The following PDE1C variants were observed in gnomAD, a reference collection of about 807,000 sequenced individuals.
PDE1C encodes phosphodiesterase 1C, also known as dual specificity calcium/calmodulin-dependent 3',5'-cyclic nucleotide phosphodiesterase 1C.
PDE1C carries 62 observed loss-of-function variants against 93.1 expected under a neutral mutation model. That is an observed-to-expected ratio of 0.67 (90% CI 0.54 to 0.82). The LOEUF (loss-of-function observed/expected upper bound fraction) is 0.82. Ranked by LOEUF, PDE1C falls within the 40% of genes least tolerant of loss-of-function variation. PDE1C has a pLI of 0.00. For synonymous variants in PDE1C, 325 were observed against 310.1 expected, an observed-to-expected ratio of 1.05 and a Z score of -0.50; for missense variants, 742 against 884.6, an observed-to-expected ratio of 0.84 and a Z score of 2.04.
the PDE1C span, among the ~76,000 whole-genome samples, chr7:31,635,092 A>AG: frequency 6.6e-6 from 1 of 152,110 alleles, no homozygotes; most frequent in Non-Finnish European, 1.5e-5. Context: ...ATTAGGTGTG[A>AG]GGGTGTGGGA....
intron 15 of PDE1C, among the ~76,000 whole-genome samples, chr7:31,814,618 G>A (rs191724318): frequency 6.6e-6 from 1 of 151,358 alleles, no homozygotes; most frequent in Admixed American, 6.6e-5. Context: ...TGGCATAATA[G>A]CTAGAACACG....
At chr7:31,882,233 T>C (rs893807392) in intron 2 of PDE1C, among the ~76,000 whole-genome samples, 5 of 152,138 alleles carry the variant, frequency 3.3e-5, no homozygotes, top group African/African-American at 1.2e-4. Flanking sequence ...AACGGAAATA[T>C]GCAAAGGAAA....
intron 3 of PDE1C, among the ~76,000 whole-genome samples, chr7:32,097,959 G>A (rs555877762): frequency 2.2e-4 from 33 of 149,730 alleles, no homozygotes; most frequent in Non-Finnish European, 4.0e-4. Context: ...GGCCGGGCGC[G>A]GTGGCTCACG....
At chr7:31,754,690 T>A (rs1794340594) in intron 17 of PDE1C, among the ~76,000 whole-genome samples, 1 of 152,176 alleles carries the variant, frequency 6.6e-6, no homozygotes, top group Admixed American at 6.5e-5. Flanking sequence ...TCAAAGGACA[T>A]AACTATAGAG....
intron 2 of PDE1C, among the ~76,000 whole-genome samples, chr7:32,206,999 C>T (rs564999430): frequency 6.6e-6 from 1 of 152,196 alleles, no homozygotes; most frequent in South Asian, 2.1e-4. Context: ...ATGACTTCCC[C>T]ATGTTACTGT....
chr7:31,798,518 G>A (rs1215796158), intron 16 of PDE1C, among the ~76,000 whole-genome samples: 1 of 151,710 alleles, frequency 6.6e-6, no homozygotes, highest in Non-Finnish European at 1.5e-5. Context: ...TATGACTTAT[G>A]TGTAGTGACG....
chr7:31,909,981 C>G (rs1801034177), intron 2 of PDE1C, among the ~76,000 whole-genome samples: 1 of 152,160 alleles, frequency 6.6e-6, no homozygotes. Flanking sequence ...GCATCCACCC[C>G]CAAGTTGTGA....
the PDE1C span, among the ~76,000 whole-genome samples, chr7:31,633,441 T>TG: frequency 6.6e-6 from 1 of 152,180 alleles, no homozygotes; most frequent in Non-Finnish European, 1.5e-5. Flanking sequence ...AGGAGTGTTC[T>TG]GGAAGGGAGG....
intron 9 of PDE1C, among the ~76,000 whole-genome samples, chr7:31,844,711 T>G (rs1203501508): frequency 2.6e-5 from 4 of 152,012 alleles, no homozygotes; most frequent in Non-Finnish European, 5.9e-5. Flanking sequence ...CAGTCATTAT[T>G]TCTTCAAATT....
the PDE1C span, among the ~76,000 whole-genome samples, chr7:31,710,388 T>C: frequency 6.6e-6 from 1 of 152,106 alleles, no homozygotes; most frequent in Non-Finnish European, 1.5e-5. Flanking sequence ...CTAACACCCT[T>C]TAAAAGCAGT....
At chr7:32,253,182 A>C (rs1809517345) in intron 1 of PDE1C, among the ~76,000 whole-genome samples, 1 of 152,226 alleles carries the variant, frequency 6.6e-6, no homozygotes, top group Non-Finnish European at 1.5e-5. Flanking sequence ...TGAAGTAGGC[A>C]TCAACATCTA....
chr7:32,122,399 A>G (rs2128765063), intron 3 of PDE1C, among the ~76,000 whole-genome samples: 1 of 152,310 alleles, frequency 6.6e-6, no homozygotes, highest in South Asian at 2.1e-4. Flanking sequence ...TTCCACCCCA[A>G]ATCAACAGAA....
At chr7:32,238,756 A>G (rs138376684) in intron 1 of PDE1C, among the ~76,000 whole-genome samples, 49 of 152,396 alleles carry the variant, frequency 3.2e-4, no homozygotes, top group Non-Finnish European at 4.7e-4. Flanking sequence ...AAAACTTGAT[A>G]TAGAACAAGT....
intron 2 of PDE1C, among the ~76,000 whole-genome samples, chr7:31,936,523 C>T (rs1446626108): frequency 6.6e-6 from 1 of 151,970 alleles, no homozygotes; most frequent in African/African-American, 2.4e-5. Flanking sequence ...AGCATGCGAG[C>T]AGGACGTGCC....
intron 1 of PDE1C, among the ~76,000 whole-genome samples, chr7:32,396,095 T>C (rs573408982): frequency 2.0e-5 from 3 of 152,208 alleles, no homozygotes; most frequent in South Asian, 4.2e-4. Flanking sequence ...AAAAGAATCA[T>C]AAAATAGCTG....
intron 2 of PDE1C, among the ~76,000 whole-genome samples, chr7:31,922,087 T>C (rs1802702776): frequency 6.6e-6 from 1 of 152,204 alleles, no homozygotes; most frequent in African/African-American, 2.4e-5. Flanking sequence ...AACTCTTTAT[T>C]ATACTATCTC....
At chr7:31,675,785 CA>C in the PDE1C span, among the ~76,000 whole-genome samples, 1 of 151,826 alleles carries the variant, frequency 6.6e-6, no homozygotes, top group African/African-American at 2.4e-5. Context: ...AAAATTTCAG[CA>C]ATGAAAATAT....
intron 2 of PDE1C, among the ~76,000 whole-genome samples, chr7:32,015,393 G>A (rs1207179125): frequency 6.6e-6 from 1 of 151,920 alleles, no homozygotes; most frequent in Non-Finnish European, 1.5e-5. Context: ...TACTGACATT[G>A]TTAACGCCAA....
intron 2 of PDE1C, among the ~76,000 whole-genome samples, chr7:31,899,156 T>TG (rs1554401589): frequency 8.6e-4 from 104 of 120,478 alleles, no homozygotes; most frequent in African/African-American, 3.0e-3. Flanking sequence ...TTTTTTTTTT[T>TG]GAGACGGAGT....
Sources: gnomAD v4.1 joint callset for allele counts (sites outside exome capture counted in the v4.1 genomes callset) on GRCh38, gnomAD v4.1.1 for gene constraint, MANE v1.5 for transcripts, NCBI Gene and HGNC (gene_info 2026-07-23, HGNC 2026-07-21) for gene names.